Variants in AHCYL2 observed in about 807,000 individuals in gnomAD.
The protein encoded by AHCYL2 is S-adenosylhomocysteine hydrolase-like protein 2.
A neutral mutation model predicts 81.4 loss-of-function variants in AHCYL2; 28 were observed. The ratio of observed to expected loss-of-function variants is 0.34; its 90% CI spans 0.25 to 0.47. AHCYL2 has a LOEUF of 0.47. Among genes scored for constraint, AHCYL2 ranks in the 20% least tolerant of loss-of-function variants. AHCYL2 has a pLI of 1.00. For synonymous variants in AHCYL2, 272 were observed against 290.2 expected (o/e 0.94, Z 0.64); for missense variants, 551 against 785.1 (o/e 0.70, Z 3.56).
intron 1 of AHCYL2, among the ~76,000 whole-genome samples, chr7:129,363,297 T>C (rs755666735): frequency 2.6e-5 from 4 of 152,174 alleles, no homozygotes; most frequent in Non-Finnish European, 5.9e-5. Flanking sequence ...TGGAATTATA[T>C]TGGAAACGAA....
At chr7:129,377,037 A>G (rs1191700080) in intron 1 of AHCYL2, among the ~76,000 whole-genome samples, 1 of 152,236 alleles carries the variant, frequency 6.6e-6, no homozygotes, top group African/African-American at 2.4e-5. Context: ...AAGTATAGAC[A>G]GTGAAGATAG....
intron 1 of AHCYL2, among the ~76,000 whole-genome samples, chr7:129,366,653 G>A (rs1335507307): frequency 3.9e-5 from 6 of 152,018 alleles, no homozygotes; most frequent in Non-Finnish European, 8.8e-5. Flanking sequence ...GTGCATGCCT[G>A]TAATCCCAGC....
At chr7:129,394,030 G>T (rs1416497961) in intron 4 of AHCYL2, among the ~76,000 whole-genome samples, 1 of 151,908 alleles carries the variant, frequency 6.6e-6, no homozygotes, top group African/African-American at 2.4e-5. Flanking sequence ...TGTTGAGTAG[G>T]GTCTCACTGT....
At chr7:129,295,370 G>T (rs1797018117) in intron 1 of AHCYL2, among the ~76,000 whole-genome samples, 1 of 152,222 alleles carries the variant, frequency 6.6e-6, no homozygotes, top group African/African-American at 2.4e-5. Context: ...GTATGAGTCA[G>T]TCTGTGTCCC....
At chr7:129,270,905 T>G (rs1046329929) in intron 1 of AHCYL2, among the ~76,000 whole-genome samples, 12 of 152,196 alleles carry the variant, frequency 7.9e-5, no homozygotes, top group African/African-American at 2.9e-4. Flanking sequence ...AATGTTCCTC[T>G]TTTTCTGCAG....
chr7:129,261,407 T>G (rs2150716114), intron 1 of AHCYL2, among the ~76,000 whole-genome samples: 1 of 152,340 alleles, frequency 6.6e-6, no homozygotes, highest in Admixed American at 6.5e-5. Flanking sequence ...AAACAATTGA[T>G]TAATAATCTT....
At chr7:129,376,264 A>T (rs969817479) in intron 1 of AHCYL2, among the ~76,000 whole-genome samples, 7 of 152,242 alleles carry the variant, frequency 4.6e-5, no homozygotes, top group Non-Finnish European at 1.0e-4. Flanking sequence ...TTGGTGTTTA[A>T]TTATTAAGAG....
intron 1 of AHCYL2, among the ~76,000 whole-genome samples, chr7:129,301,009 T>G (rs2694589): frequency 0.87 from 133,046 of 152,064 alleles, 58,546 homozygotes; most frequent in East Asian, 0.98. Flanking sequence ...AGTGAAGATG[T>G]GGTTTCACCA....
intron 10 of AHCYL2, among the ~76,000 whole-genome samples, chr7:129,408,951 C>T (rs190610018): frequency 3.3e-4 from 50 of 152,082 alleles, no homozygotes; most frequent in African/African-American, 1.2e-3. Context: ...TGGTGTATGC[C>T]AATAGTCCTG....
At position 129,427,278 on chromosome 7, in the gene AHCYL2, A is replaced by C. The variant is rs1303598361; in HGVS notation, c.*233A>C. On this transcript the variant is annotated 3_prime_UTR_variant, in exon 17 of 17. Coordinates refer to ENST00000325006, the MANE Select transcript of AHCYL2 (RefSeq NM_015328.4). The surrounding 1 kb of genome is among the most constrained non-coding windows in gnomAD (Gnocchi z 5.5). ...AAAGCCACAGAGGATGGGCTGAGGA[A>C]GGAAAGAAATGGGGTTACTGCTCCC... The C allele has an allele frequency of 1.0e-5, 5 of 484,936 alleles. No homozygotes were observed. Among genetic ancestry groups the C allele is most frequent in the Non-Finnish European group, 1.8e-5 (5 of 273,540 alleles). The allele number at this position is 484,936 out of a possible 1,614,324, so 30.0% of individuals were successfully genotyped here.
In AHCYL2 at chr7:129,368,150, G is replaced by T; in HGVS notation, c.364-11488G>T. 2.8e-6 allele frequency: 3 copies of T among 1,065,536 alleles called. No homozygotes were observed. Among genetic ancestry groups the T allele is most frequent in the Non-Finnish European group, 3.4e-6 (3 of 880,918 alleles). 66.0% of individuals were successfully genotyped at this position (1,065,536 alleles called of 1,614,324 possible). On this transcript the variant is annotated intron_variant, in intron 1 of 16. Coordinates refer to ENST00000325006, the MANE Select transcript of AHCYL2 (RefSeq NM_015328.4). The surrounding 1 kb of genome is among the most constrained non-coding windows in gnomAD (Gnocchi z 4.4). ...AGAAGGAAGTCCAACTATTGCTGCAGAAAGTCCCCACTGGGGAGGTGCGGG... is the reference window on the plus strand; with the variant it reads ...AGAAGGAAGTCCAACTATTGCTGCATAAAGTCCCCACTGGGGAGGTGCGGG...
At chr7:129,411,664 CAGG>C (rs138968169) in intron 11 of AHCYL2, among the ~76,000 whole-genome samples, 42,800 of 150,590 alleles carry the variant, frequency 0.28, 7,412 homozygotes, top group East Asian at 0.59. Context: ...GAGTGTGAGG[CAGG>C]AGAATTGCTT....
At chr7:129,415,036 G>A (rs546947395) in intron 12 of AHCYL2, among the ~76,000 whole-genome samples, 1 of 152,198 alleles carries the variant, frequency 6.6e-6, no homozygotes, top group East Asian at 1.9e-4. Flanking sequence ...TTCTACCCTG[G>A]GGTGTCTGAG....
chr7:129,396,600 T>C (rs1795754557), intron 4 of AHCYL2, among the ~76,000 whole-genome samples: 1 of 152,068 alleles, frequency 6.6e-6, no homozygotes, highest in Non-Finnish European at 1.5e-5. Context: ...TTTTCTGTAT[T>C]TTTAGTAGAG....
chr7:129,354,255 A>G (rs1033861072), intron 1 of AHCYL2, among the ~76,000 whole-genome samples: 20 of 152,354 alleles, frequency 1.3e-4, no homozygotes, highest in African/African-American at 4.8e-4. Context: ...TTCCATTAAA[A>G]CAGGAGGGAG....
chr7:129,347,645 G>T (rs113123460), intron 1 of AHCYL2, among the ~76,000 whole-genome samples: 168 of 151,876 alleles, frequency 1.1e-3, no homozygotes, highest in Middle Eastern at 3.4e-3. Context: ...TGTTTTTTTG[G>T]TTTTTTTCTT....
rs530996436 is a variant in AHCYL2, at chr7:129,413,980, C to T, written c.1461+292C>T. ...TGAGAGCAAGATAAACTCAAAACTA[C>T]AATGAATGATAGAAACTCAGAGCTA... is the stretch of plus-strand genomic sequence containing the variant. On this transcript the variant is annotated intron_variant, in intron 12 of 16. Coordinates refer to ENST00000325006, the MANE Select transcript of AHCYL2 (RefSeq NM_015328.4). Among the ~76,000 whole-genome samples the T allele has an allele frequency of 9.2e-5, 14 of 152,254 alleles. 1 individual carries two copies. The East Asian group carries it at 2.7e-3, about 29-fold the overall frequency.
intron 1 of AHCYL2, among the ~76,000 whole-genome samples, chr7:129,304,878 A>T (rs1797376361): frequency 6.7e-6 from 1 of 149,784 alleles, no homozygotes. Flanking sequence ...GTCCATTTAC[A>T]TTCAATGTTA....
chr7:129,267,255 G>A lies in AHCYL2; in HGVS notation c.363+41816G>A, dbSNP rs903781664. On this transcript the variant is annotated intron_variant, in intron 1 of 16. Coordinates refer to ENST00000325006, the MANE Select transcript of AHCYL2 (RefSeq NM_015328.4). Reference sequence around the variant, plus strand: ...GGTGTGTGTGTGTGTGTGTGTGTGTGTGTGTGTGTGTGTGTACACCCTCCA... The same window carrying A: ...GGTGTGTGTGTGTGTGTGTGTGTGTATGTGTGTGTGTGTGTACACCCTCCA... Among the ~76,000 whole-genome samples, 9 of 151,892 alleles carry A rather than the reference G, an allele frequency of 5.9e-5. No homozygotes were observed. In the South Asian group the frequency reaches 1.5e-3, roughly 25 times the overall value.
Sources: gnomAD v4.1 joint callset for allele counts (sites outside exome capture counted in the v4.1 genomes callset) on GRCh38, gnomAD v4.1.1 for gene constraint, Gnocchi (gnomAD v3.1) non-coding constraint, MANE v1.5 for transcripts, NCBI Gene and HGNC (gene_info 2026-07-23, HGNC 2026-07-21) for gene names.